Variants in TENM3 observed in about 807,000 individuals in gnomAD.
The protein encoded by TENM3 is teneurin transmembrane protein 3, also known as teneurin-3.
A neutral mutation model predicts 255.1 loss-of-function variants in TENM3; 63 were observed. The ratio of observed to expected loss-of-function variants is 0.25; its 90% CI spans 0.20 to 0.30. The LOEUF (loss-of-function observed/expected upper bound fraction) is 0.30. Among genes scored for constraint, TENM3 ranks in the 10% least tolerant of loss-of-function variants. The pLI is 1.00. For synonymous variants in TENM3, 1,306 were observed against 1,322.3 expected, an observed-to-expected ratio of 0.99 and a Z score of 0.27; for missense variants, 2,929 against 3,461.1, an observed-to-expected ratio of 0.85 and a Z score of 3.86.
intron 5 of TENM3, among the ~76,000 whole-genome samples, chr4:182,638,153 C>T (rs7688538): frequency 0.21 from 32,248 of 151,698 alleles, 4,528 homozygotes; most frequent in East Asian, 0.5. Context: ...CTATAATTGC[C>T]GCAAGAATCC....
intron 3 of TENM3, among the ~76,000 whole-genome samples, chr4:182,433,173 A>G (rs999064708): frequency 6.6e-6 from 1 of 152,182 alleles, no homozygotes; most frequent in African/African-American, 2.4e-5. Flanking sequence ...GCCTGTGGAT[A>G]GATTTCGCAT....
chr4:182,472,729 T>G (rs1733256973), intron 3 of TENM3, among the ~76,000 whole-genome samples: 1 of 138,962 alleles, frequency 7.2e-6, no homozygotes, highest in Admixed American at 7.0e-5. Flanking sequence ...ATATCACAAT[T>G]TTTTTTTAAG....
chr4:181,479,807 C>T, the TENM3 span, among the ~76,000 whole-genome samples: 1 of 152,168 alleles, frequency 6.6e-6, no homozygotes, highest in African/African-American at 2.4e-5. Context: ...CAGTTCAGTT[C>T]CTTCAGCTAT....
chr4:182,724,297 T>A (rs1759992467), intron 13 of TENM3, among the ~76,000 whole-genome samples: 1 of 152,242 alleles, frequency 6.6e-6, no homozygotes, highest in Non-Finnish European at 1.5e-5. Flanking sequence ...ACAATTTTAC[T>A]ACACTATACA....
At chr4:182,014,416 G>A in the TENM3 span, among the ~76,000 whole-genome samples, 45 of 151,896 alleles carry the variant, frequency 3.0e-4, no homozygotes, top group Non-Finnish European at 5.6e-4. Context: ...CCACGCCATA[G>A]CCATCTCAGT....
In TENM3 at chr4:182,282,764, G is replaced by A. The variant is rs188034766; in HGVS notation, c.-76+39288G>A. On this transcript the variant is annotated intron_variant, in intron 1 of 27. Coordinates refer to ENST00000511685, the MANE Select transcript of TENM3 (RefSeq NM_001080477.4). The stretch of plus-strand genomic sequence containing the variant: ...AAAAACTAGCTGGATGTGGTGGCAC[G>A]CGCCTGTAATCCCAGCTACTTGGGA... Among the ~76,000 whole-genome samples, 16 of 151,922 alleles carry A rather than the reference G, an allele frequency of 1.1e-4. No homozygotes were observed. In the South Asian group the frequency reaches 1.9e-3, roughly 18 times the overall value.
chr4:181,670,555 A>G, the TENM3 span, among the ~76,000 whole-genome samples: 1 of 152,250 alleles, frequency 6.6e-6, no homozygotes, highest in African/African-American at 2.4e-5. Flanking sequence ...TTTTGAAAAT[A>G]CTAGCAATAT....
the TENM3 span, among the ~76,000 whole-genome samples, chr4:182,041,179 G>T: frequency 6.6e-6 from 1 of 152,040 alleles, no homozygotes; most frequent in Non-Finnish European, 1.5e-5. Flanking sequence ...GCTATCTCGT[G>T]CTGTGTGTGT....
the TENM3 span, among the ~76,000 whole-genome samples, chr4:181,584,119 A>G: frequency 6.6e-6 from 1 of 152,214 alleles, no homozygotes; most frequent in Non-Finnish European, 1.5e-5. Flanking sequence ...TAGTCACTCA[A>G]TGAGTATTTG....
chr4:182,265,102 T>G (rs182906338), intron 1 of TENM3, among the ~76,000 whole-genome samples: 78 of 152,208 alleles, frequency 5.1e-4, no homozygotes, highest in African/African-American at 1.8e-3. Context: ...CCTCATGAAA[T>G]CCCAGGAATT....
the TENM3 span, among the ~76,000 whole-genome samples, chr4:181,650,654 G>A: frequency 6.6e-6 from 1 of 152,146 alleles, no homozygotes; most frequent in South Asian, 2.1e-4. Flanking sequence ...ACTCAAAGAA[G>A]CTTGCAAACC....
chr4:182,527,332 G>A lies in TENM3; in HGVS notation c.512-73592G>A, dbSNP rs191829222. Reference sequence around the variant, plus strand: ...AGGTAAGAGGAATAAATTATGACGCGGTTGTCACCATGGTGCTATACCTAA... The same window carrying A: ...AGGTAAGAGGAATAAATTATGACGCAGTTGTCACCATGGTGCTATACCTAA... On this transcript the variant is annotated intron_variant, in intron 3 of 27. Transcript: ENST00000511685. 6.3e-4 allele frequency among the ~76,000 whole-genome samples: 96 copies of A among 152,172 alleles called. 1 individual carries two copies. Among genetic ancestry groups the A allele is most frequent in the African/African-American group, 2.2e-3 (90 of 41,524 alleles).
At chr4:181,715,672 G>A in the TENM3 span, among the ~76,000 whole-genome samples, 28 of 152,294 alleles carry the variant, frequency 1.8e-4, no homozygotes, top group East Asian at 3.5e-3. Flanking sequence ...GACCCAAGAC[G>A]TCTTGTACCA....
the TENM3 span, among the ~76,000 whole-genome samples, chr4:181,529,377 C>A: frequency 6.6e-6 from 1 of 152,158 alleles, no homozygotes; most frequent in Non-Finnish European, 1.5e-5. Context: ...TAACAGAAAA[C>A]AGAGAAGGAA....
At chr4:182,536,261 G>A (rs549701798) in intron 3 of TENM3, among the ~76,000 whole-genome samples, 7 of 152,324 alleles carry the variant, frequency 4.6e-5, no homozygotes, top group Admixed American at 2.6e-4. Flanking sequence ...GAGAAAATCC[G>A]TTGAGATTTG....
intron 11 of TENM3, among the ~76,000 whole-genome samples, chr4:182,685,954 A>C (rs1756538084): frequency 6.6e-6 from 1 of 152,090 alleles, no homozygotes. Flanking sequence ...AATGTTCATT[A>C]AAAGATTAAA....
chr4:182,748,116 TG>T (rs755280414), intron 19 of TENM3, among the ~76,000 whole-genome samples: 1 of 152,222 alleles, frequency 6.6e-6, no homozygotes, highest in Admixed American at 6.5e-5. Context: ...TCTAATTGAA[TG>T]AGACTAGAGA....
chr4:182,051,408 T>G, the TENM3 span, among the ~76,000 whole-genome samples: 2 of 148,340 alleles, frequency 1.3e-5, no homozygotes, highest in Non-Finnish European at 1.5e-5. Context: ...GATGGAGTCT[T>G]GCTCTTTCGC....
At position 182,440,198 on chromosome 4, in the gene TENM3, C is replaced by T. The variant is rs542372500; in HGVS notation, c.511+93269C>T. ...TGCGATCTCGGCTCACTGCAACCTCCGCCTCTCGGGTTCAAGCGATTCTCT... is the reference window on the plus strand; with the variant it reads ...TGCGATCTCGGCTCACTGCAACCTCTGCCTCTCGGGTTCAAGCGATTCTCT... On this transcript the variant is annotated intron_variant, in intron 3 of 27. Transcript: ENST00000511685. 1.7e-3 allele frequency among the ~76,000 whole-genome samples: 255 copies of T among 150,450 alleles called. 1 individual carries two copies. Among genetic ancestry groups the T allele is most frequent in the Middle Eastern group, 6.9e-3 (2 of 288 alleles).
Sources: gnomAD v4.1 joint callset for allele counts (sites outside exome capture counted in the v4.1 genomes callset) on GRCh38, gnomAD v4.1.1 for gene constraint, MANE v1.5 for transcripts, NCBI Gene and HGNC (gene_info 2026-07-23, HGNC 2026-07-21) for gene names.